AKAP19: variants seen among roughly 807,000 people sequenced by gnomAD.
AKAP19 encodes the protein small A-kinase anchoring protein.
the AKAP19 span, among the ~76,000 whole-genome samples, chr2:189,951,355 G>A: frequency 1.1e-3 from 172 of 151,922 alleles, 1 homozygote; most frequent in South Asian, 7.7e-3. Flanking sequence ...GCATGTGCCA[G>A]CGCACCCGGC....
the AKAP19 span, among the ~76,000 whole-genome samples, chr2:190,006,907 A>C: frequency 6.6e-6 from 1 of 151,332 alleles, no homozygotes; most frequent in African/African-American, 2.4e-5. Flanking sequence ...ATAGTCCCAG[A>C]TACTCTGGAG....
At chr2:189,892,807 T>C in the AKAP19 span, among the ~76,000 whole-genome samples, 2 of 152,124 alleles carry the variant, frequency 1.3e-5, no homozygotes. Context: ...GGCAGGAATG[T>C]TTAAGTCTGC....
the AKAP19 span, among the ~76,000 whole-genome samples, chr2:190,006,475 G>A: frequency 6.6e-6 from 1 of 151,546 alleles, no homozygotes; most frequent in Non-Finnish European, 1.5e-5. Context: ...GTGAAATCCC[G>A]TCTCTACTAA....
chr2:189,981,031 T>C, the AKAP19 span, among the ~76,000 whole-genome samples: 3 of 152,198 alleles, frequency 2.0e-5, no homozygotes, highest in African/African-American at 7.2e-5. Flanking sequence ...AGATGTTTGT[T>C]AGGTCCATTT....
the AKAP19 span, among the ~76,000 whole-genome samples, chr2:189,946,098 T>C: frequency 5.2e-4 from 79 of 152,230 alleles, no homozygotes; most frequent in Non-Finnish European, 8.8e-5. Flanking sequence ...GAGAAATTAC[T>C]CAAACTTCCC....
At chr2:189,899,814 CCTA>C in the AKAP19 span, among the ~76,000 whole-genome samples, 1 of 147,048 alleles carries the variant, frequency 6.8e-6, no homozygotes, top group African/African-American at 2.5e-5. Flanking sequence ...TTACTTTTTA[CCTA>C]CTATTTAGTT....
At chr2:189,921,494 G>A in the AKAP19 span, among the ~76,000 whole-genome samples, 1 of 152,276 alleles carries the variant, frequency 6.6e-6, no homozygotes, top group African/African-American at 2.4e-5. Context: ...GTAGAGATTA[G>A]GAGGTGAGGG....
At chr2:190,119,660 G>A in the AKAP19 span, among the ~76,000 whole-genome samples, 5 of 152,028 alleles carry the variant, frequency 3.3e-5, no homozygotes, top group Non-Finnish European at 2.9e-5. Flanking sequence ...CAAGAGCTGC[G>A]AAAAAACCTT....
the AKAP19 span, among the ~76,000 whole-genome samples, chr2:190,167,940 GC>G: frequency 6.6e-6 from 1 of 152,128 alleles, no homozygotes; most frequent in Non-Finnish European, 1.5e-5. Flanking sequence ...GAGGATGGTG[GC>G]CCTCTTCTCA....
the AKAP19 span, among the ~76,000 whole-genome samples, chr2:190,088,706 T>G: frequency 6.6e-6 from 1 of 152,202 alleles, no homozygotes; most frequent in Non-Finnish European, 1.5e-5. Flanking sequence ...GTGAATATTT[T>G]AAAATCAGTG....
chr2:190,017,739 A>G, the AKAP19 span, among the ~76,000 whole-genome samples: 1 of 152,322 alleles, frequency 6.6e-6, no homozygotes, highest in East Asian at 1.9e-4. Context: ...TGTATTACTT[A>G]TACCATGAGT....
chr2:189,949,625 T>C, the AKAP19 span, among the ~76,000 whole-genome samples: 1 of 148,678 alleles, frequency 6.7e-6, no homozygotes, highest in Non-Finnish European at 1.5e-5. Flanking sequence ...TACCTACTTT[T>C]TCTTTCTTTT....
the AKAP19 span, chr2:190,062,535 A>C: frequency 6.2e-7 from 1 of 1,613,326 alleles, no homozygotes; most frequent in African/African-American, 1.3e-5. Context: ...ATTTAGATCC[A>C]CTGGACCAGC....
At chr2:190,194,474 G>A in the AKAP19 span, among the ~76,000 whole-genome samples, 2 of 123,966 alleles carry the variant, frequency 1.6e-5, no homozygotes, top group Non-Finnish European at 3.2e-5. Flanking sequence ...CGTATCCTGT[G>A]TATACACACA....
the AKAP19 span, among the ~76,000 whole-genome samples, chr2:190,122,797 C>CCT: frequency 2.0e-5 from 3 of 150,798 alleles, no homozygotes; most frequent in African/African-American, 4.9e-5. Context: ...ATGATGATCA[C>CCT]CTCTCTCTCT....
chr2:190,017,566 T>C, the AKAP19 span, among the ~76,000 whole-genome samples: 2 of 152,178 alleles, frequency 1.3e-5, no homozygotes, highest in African/African-American at 2.4e-5. Flanking sequence ...TCCGCCATTT[T>C]ACATTTTTGA....
the AKAP19 span, among the ~76,000 whole-genome samples, chr2:190,117,398 TATACA>T: frequency 6.6e-6 from 1 of 152,082 alleles, no homozygotes; most frequent in Non-Finnish European, 1.5e-5. Flanking sequence ...CAAATAGTAG[TATACA>T]ATAGGTTAGC....
chr2:190,180,874 C>T, the AKAP19 span: 1 of 985,268 alleles, frequency 1.0e-6, no homozygotes, highest in Non-Finnish European at 1.2e-6. This position sits in a 1 kb window ranked among gnomAD's most constrained non-coding sequence, Gnocchi z 6.8. Flanking sequence ...CATGCTGCCA[C>T]TTGGCTGAGC....
chr2:189,990,826 A>G, the AKAP19 span, among the ~76,000 whole-genome samples: 2 of 152,142 alleles, frequency 1.3e-5, no homozygotes, highest in Non-Finnish European at 2.9e-5. Flanking sequence ...AGTGTACACT[A>G]TACTCAATGT....
Sources: allele counts gnomAD v4.1 joint callset (sites outside exome capture counted in the v4.1 genomes callset), GRCh38; gene constraint gnomAD v4.1.1; non-coding constraint Gnocchi (gnomAD v3.1); transcripts MANE v1.5; gene names NCBI Gene and HGNC (gene_info 2026-07-23, HGNC 2026-07-21).